The following TPO variants were observed in gnomAD, a reference collection of about 807,000 sequenced individuals.
TPO encodes thyroid peroxidase, also known as thyroid microsomal antigen.
A neutral mutation model predicts 96.9 loss-of-function variants in TPO; 78 were observed. The observed-to-expected ratio is 0.81, with a 90% CI of 0.67 to 0.97. The LOEUF (loss-of-function observed/expected upper bound fraction) is 0.97. Ranked by LOEUF, TPO falls within the 50% of genes least tolerant of loss-of-function variation. TPO has a pLI of 0.00. For missense variants in TPO, 1,252 were observed against 1,274.8 expected, an observed-to-expected ratio of 0.98 and a Z score of 0.27; for synonymous variants, 547 against 538.0, an observed-to-expected ratio of 1.02 and a Z score of -0.23.
chr2:1,455,950 A>C, intron 6 of TPO, 126 bp from the exon 7 acceptor site: 1 of 941,826 alleles, frequency 1.1e-6, no homozygotes, highest in East Asian at 2.6e-5. Context: ...CAGGGCACAG[A>C]TCTCCTAGGG....
chr2:1,515,357 A>T (rs1674578994), intron 14 of TPO, among the ~76,000 whole-genome samples: 1 of 152,194 alleles, frequency 6.6e-6, no homozygotes, highest in Non-Finnish European at 1.5e-5. Flanking sequence ...TGGTGTGCTC[A>T]GGTTGCCCTG....
chr2:1,394,500 T>C (rs573560685), intron 1 of TPO, among the ~76,000 whole-genome samples: 1 of 152,234 alleles, frequency 6.6e-6, no homozygotes, highest in East Asian at 1.9e-4. Flanking sequence ...GGTGCCTGGA[T>C]CCAGACCCGC....
chr2:1,482,348 C>A (rs1292002914), intron 8 of TPO, among the ~76,000 whole-genome samples: 1 of 152,158 alleles, frequency 6.6e-6, no homozygotes, highest in East Asian at 1.9e-4. Flanking sequence ...AGAGTGGCCA[C>A]AAGTCAGCAC....
At chr2:1,450,840 A>T (rs1005264597) in intron 5 of TPO, among the ~76,000 whole-genome samples, 2 of 152,244 alleles carry the variant, frequency 1.3e-5, no homozygotes, top group East Asian at 3.8e-4. Context: ...TGGAATTTCA[A>T]TAAAGACAAA....
At chr2:1,455,638 C>T (rs899540097) in intron 6 of TPO, among the ~76,000 whole-genome samples, 2 of 152,178 alleles carry the variant, frequency 1.3e-5, no homozygotes, top group East Asian at 1.9e-4. Context: ...TCCCAACCCA[C>T]GTTGAAATCC....
Position 1,542,750 on chromosome 2 carries a change from T to TTTTTTAA in TPO, c.*276_*277insTTTTTAA. 22 of 887,642 alleles carry TTTTTTAA rather than the reference T, an allele frequency of 2.5e-5. No homozygotes were observed. The highest frequency in any genetic ancestry group is 1.6e-4 in the Admixed American group (6 of 37,418). The allele number at this position is 887,642 out of a possible 1,614,324, so 55.0% of individuals were successfully genotyped here. A position where few individuals can be genotyped will look rare whatever the true frequency, so the allele number is the denominator to read the frequency against. On this transcript the variant is annotated 3_prime_UTR_variant, in exon 17 of 17. Coordinates refer to ENST00000329066, the MANE Select transcript of TPO (RefSeq NM_001206744.2). ...TTACACATCTTTATTTTGTGAACCCTGGAAACACCACTCTTGCAATCCTCC... is the reference window on the plus strand; with the variant it reads ...TTACACATCTTTATTTTGTGAACCCTTTTTTAAGGAAACACCACTCTTGCAATCCTCC...
At chr2:1,425,466 C>T (rs534990712) in intron 3 of TPO, among the ~76,000 whole-genome samples, 3 of 126,836 alleles carry the variant, frequency 2.4e-5, no homozygotes, top group African/African-American at 2.9e-5. Context: ...TACAGAGATG[C>T]GTTAGATCAT....
Position 1,433,460 on chromosome 2 carries a change from CT to C in TPO, c.205del (p.Ser69LeufsTer18). On this transcript the variant is annotated frameshift_variant, in exon 4 of 17. Transcript: ENST00000329066. LOFTEE classifies it high-confidence loss of function. ...MQRNLKKRGI[L>X]SPAQLLSFSK... ...TAGAAACCTCAAGAAAAGAGGAATC[CT>C]TTCTCCAGCTCAGCTTCTGTCTTTT... is the stretch of plus-strand genomic sequence containing the variant. 1.2e-6 allele frequency: 2 copies of C among 1,614,182 alleles called. No individual in the cohort carries two copies. Among genetic ancestry groups the C allele is most frequent in the Non-Finnish European group, 1.7e-6 (2 of 1,180,030 alleles).
intron 13 of TPO, among the ~76,000 whole-genome samples, chr2:1,502,896 A>T (rs1382253003): frequency 6.6e-6 from 1 of 152,156 alleles, no homozygotes; most frequent in East Asian, 1.9e-4. Context: ...CGGGGTTAGG[A>T]GTGGGCAGTC....
Position 1,418,607 on chromosome 2 carries a change from A to T in TPO, c.94+4105A>T, listed in dbSNP as rs191896769. On this transcript the variant is annotated intron_variant, in intron 2 of 16. Coordinates refer to ENST00000329066, the MANE Select transcript of TPO (RefSeq NM_001206744.2). Reference sequence around the variant, plus strand: ...ATCCCTCCTCTAACGCCCTGAACAGAATGTTCTTCACCAGAACCCTGTGTA... The same window carrying T: ...ATCCCTCCTCTAACGCCCTGAACAGTATGTTCTTCACCAGAACCCTGTGTA... Among the ~76,000 whole-genome samples the T allele has an allele frequency of 9.2e-5, 14 of 152,332 alleles. No individual in the cohort carries two copies. The East Asian group carries it at 2.5e-3, about 27-fold the overall frequency.
At chr2:1,385,683 T>C (rs1475219947) in intron 1 of TPO, among the ~76,000 whole-genome samples, 1 of 152,192 alleles carries the variant, frequency 6.6e-6, no homozygotes, top group African/African-American at 2.4e-5. Flanking sequence ...TTAACTGATT[T>C]TTTGAAGGGT....
intron 5 of TPO, chr2:1,438,808 G>T: frequency 1.4e-6 from 1 of 707,026 alleles, no homozygotes; most frequent in Non-Finnish European, 2.6e-6. Flanking sequence ...CAAATGCCTG[G>T]ATTAAAGAAA....
chr2:1,472,203 G>A (rs140507148), intron 7 of TPO, among the ~76,000 whole-genome samples: 13 of 151,808 alleles, frequency 8.6e-5, no homozygotes, highest in Admixed American at 1.3e-4. Flanking sequence ...TGCTCATGGC[G>A]TGCCCCTCCT....
In TPO at chr2:1,542,703, G is replaced by GCCATTAAAATGTATTTACAGATTA; in HGVS notation, c.*231_*254dup. ...CCTGATTTGTTCCTTCTGGGGCTTT[G>GCCATTAAAATGTATTTACAGATTA]CCATTAAAATGTATTTACAGATTAC... On this transcript the variant is annotated 3_prime_UTR_variant, in exon 17 of 17. Coordinates refer to ENST00000329066, the MANE Select transcript of TPO (RefSeq NM_001206744.2). 1.5e-6 allele frequency: 2 copies of GCCATTAAAATGTATTTACAGATTA among 1,324,524 alleles called. No homozygotes were observed. The highest frequency in any genetic ancestry group is 2.9e-5 in the South Asian group (2 of 69,212). The allele number at this position is 1,324,524 out of a possible 1,614,324, so 82.0% of individuals were successfully genotyped here.
intron 2 of TPO, among the ~76,000 whole-genome samples, chr2:1,418,999 A>G (rs1663233356): frequency 6.6e-6 from 1 of 152,196 alleles, no homozygotes; most frequent in African/African-American, 2.4e-5. Context: ...TGGCTTTCAT[A>G]TATATATTTA....
At chr2:1,453,933 C>T (rs892903051) in intron 6 of TPO, 110 bp downstream of exon 6, 3 of 1,476,194 alleles carry the variant, frequency 2.0e-6, no homozygotes, top group Non-Finnish European at 2.8e-6. Flanking sequence ...TGCGTGCAAT[C>T]CCTTCAGATC....
chr2:1,418,413 C>G (rs183856516), intron 2 of TPO, among the ~76,000 whole-genome samples: 101 of 152,284 alleles, frequency 6.6e-4, no homozygotes, highest in Middle Eastern at 3.4e-3. Context: ...TTGGCTGGTG[C>G]TCAGACTGGG....
At chr2:1,531,074 TCAAATCCCCCCACTGTGTGCAACCTCCC>T (rs1558424168) in intron 15 of TPO, among the ~76,000 whole-genome samples, 3 of 5,520 alleles carry the variant, frequency 5.4e-4, no homozygotes, top group East Asian at 5.9e-3. Context: ...TGCAACCTCC[TCAAATCCCCCCACTGTGTGCAACCTCCC>T]CAAATCCCCC....
intron 7 of TPO, among the ~76,000 whole-genome samples, 159 bp from the exon 8 acceptor site, chr2:1,476,927 G>T (rs956161677): frequency 7.9e-5 from 12 of 152,140 alleles, no homozygotes; most frequent in Admixed American, 3.3e-4. Flanking sequence ...AGCAGGCCGG[G>T]GGGGGAGGTG....
Sources: gnomAD v4.1 joint callset for allele counts (sites outside exome capture counted in the v4.1 genomes callset) on GRCh38, gnomAD v4.1.1 for gene constraint, MANE v1.5 for transcripts, NCBI Gene and HGNC (gene_info 2026-07-23, HGNC 2026-07-21) for gene names.